Variants in ASXL2 observed in about 807,000 individuals in gnomAD.
The protein encoded by ASXL2 is putative Polycomb group protein ASXL2.
A neutral mutation model predicts 122.0 loss-of-function variants in ASXL2; 23 were observed. That is an observed-to-expected ratio of 0.19 (90% CI 0.14 to 0.27). ASXL2 has a LOEUF of 0.27. Among genes scored for constraint, ASXL2 ranks in the 10% least tolerant of loss-of-function variants. ASXL2 has a pLI of 1.00. For synonymous variants in ASXL2, 650 were observed against 637.0 expected (o/e 1.02, Z -0.31); for missense variants, 1,518 against 1,713.8 (o/e 0.89, Z 2.02).
chr2:25,841,615 G>A (rs1321936582), intron 2 of ASXL2, among the ~76,000 whole-genome samples: 3 of 152,108 alleles, frequency 2.0e-5, no homozygotes, highest in Non-Finnish European at 4.4e-5. Context: ...GGGAGGCCGA[G>A]GAGGGCAGAT....
intron 3 of ASXL2, among the ~76,000 whole-genome samples, chr2:25,826,609 C>T (rs564624620): frequency 2.9e-4 from 44 of 152,002 alleles, no homozygotes; most frequent in Non-Finnish European, 5.6e-4. Context: ...TTTCCGTACT[C>T]CTTCCTATAA....
Position 25,786,326 on chromosome 2 carries a change from C to T in ASXL2, c.403+13059G>A, listed in dbSNP as rs559110836. ...TGCAATTTTGGCTCACTGGAACCTC[C>T]GCCTCCCAGGTTCAAGTGATTCTCC... On this transcript the variant is annotated intron_variant, in intron 5 of 12. Transcript: ENST00000435504. Among the ~76,000 whole-genome samples, 25 of 144,616 alleles carry T rather than the reference C, an allele frequency of 1.7e-4. No individual in the cohort carries two copies. In the South Asian group the frequency reaches 3.9e-3, roughly 23 times the overall value. The allele number at this position is 144,616 out of a possible 152,430, so 94.9% of individuals were successfully genotyped here.
In ASXL2 at chr2:25,792,754, C is replaced by T. The variant is rs185352945; in HGVS notation, c.403+6631G>A. ...CCGAGTAGCTGGGATTACAGGTGTG[C>T]GCCACCACACCCAGCTAATTTTTGT... is the stretch of plus-strand genomic sequence containing the variant. On this transcript the variant is annotated intron_variant, in intron 5 of 12. Transcript: ENST00000435504. 9.8e-4 allele frequency among the ~76,000 whole-genome samples: 149 copies of T among 151,284 alleles called. 1 individual carries two copies. Among genetic ancestry groups the T allele is most frequent in the African/African-American group, 3.4e-3 (141 of 41,260 alleles).
At chr2:25,842,114 AAAAAAAAAG>A (rs930375117) in intron 2 of ASXL2, among the ~76,000 whole-genome samples, 1 of 150,844 alleles carries the variant, frequency 6.6e-6, no homozygotes, top group African/African-American at 2.4e-5. Context: ...CTCTGTCTCA[AAAAAAAAAG>A]AAAAAAAAAA....
rs1466420071 is a variant in ASXL2 at position 25,806,313 on chromosome 2, C to G, written c.168G>C (p.Leu56=). ...TGGAGTTTGTGTGAAGCATTGCATT[C>G]AGGCATGCAAGAGGAGAAGTCCCAC... is the stretch of plus-strand genomic sequence containing the variant. ...IRSGTSPLAC[L]NAMLHTNSRG... is the part of the protein sequence containing the mutation. Residue 56 remains leucine, a synonymous_variant, in exon 4 of 13, where the codon CTG becomes CTC. Transcript: ENST00000435504. 1.2e-6 allele frequency: 2 copies of G among 1,612,444 alleles called. No homozygotes were observed. Among genetic ancestry groups the G allele is most frequent in the South Asian group, 1.1e-5 (1 of 90,668 alleles).
At chr2:25,800,831 C>A (rs962262980) in intron 4 of ASXL2, among the ~76,000 whole-genome samples, 6 of 152,168 alleles carry the variant, frequency 3.9e-5, no homozygotes, top group Non-Finnish European at 5.9e-5. Flanking sequence ...CTTAGAATCA[C>A]GCCCAACATA....
chr2:25,747,508 A>T (rs1284633535), intron 12 of ASXL2, among the ~76,000 whole-genome samples: 1 of 152,180 alleles, frequency 6.6e-6, no homozygotes, highest in Non-Finnish European at 1.5e-5. Flanking sequence ...GGGAGAAGAA[A>T]GGAAAAGAAC....
At chr2:25,849,033 G>A (rs1323544948) in intron 1 of ASXL2, among the ~76,000 whole-genome samples, 5 of 54,346 alleles carry the variant, frequency 9.2e-5, no homozygotes, top group African/African-American at 3.4e-4. Flanking sequence ...TGACAAGAGC[G>A]AAACTCCGTC....
At chr2:25,788,377 T>C (rs1432298723) in intron 5 of ASXL2, among the ~76,000 whole-genome samples, 1 of 152,224 alleles carries the variant, frequency 6.6e-6, no homozygotes, top group Non-Finnish European at 1.5e-5. Flanking sequence ...TATCCTATCT[T>C]TGATGAACAT....
intron 9 of ASXL2, among the ~76,000 whole-genome samples, chr2:25,757,925 A>C (rs372049586): frequency 1.5e-5 from 1 of 68,918 alleles, no homozygotes; most frequent in Non-Finnish European, 3.3e-5. Flanking sequence ...CTTTAACAAA[A>C]AAAAAAAAAA....
intron 5 of ASXL2, among the ~76,000 whole-genome samples, chr2:25,781,671 T>A (rs907673806): frequency 1.5e-5 from 1 of 65,534 alleles, no homozygotes; most frequent in Non-Finnish European, 3.4e-5. Context: ...CACACCTGGC[T>A]TTTTTTTTTT....
intron 1 of ASXL2, among the ~76,000 whole-genome samples, chr2:25,874,400 G>A (rs2149205322): frequency 6.6e-6 from 1 of 152,242 alleles, no homozygotes; most frequent in East Asian, 1.9e-4. Flanking sequence ...GAGCTGGGAG[G>A]ATTGCTTGAG....
intron 4 of ASXL2, among the ~76,000 whole-genome samples, chr2:25,799,847 A>C (rs1056904531): frequency 6.6e-6 from 1 of 152,142 alleles, no homozygotes; most frequent in Non-Finnish European, 1.5e-5. Flanking sequence ...TTTAAAAACT[A>C]CATAATAATT....
chr2:25,817,667 A>G (rs1311757540), intron 3 of ASXL2, among the ~76,000 whole-genome samples: 2 of 152,194 alleles, frequency 1.3e-5, no homozygotes, highest in African/African-American at 4.8e-5. Flanking sequence ...TCTTTTTGAA[A>G]ATCACTTTGT....
intron 1 of ASXL2, among the ~76,000 whole-genome samples, chr2:25,846,203 G>T (rs536329205): frequency 6.6e-6 from 1 of 152,242 alleles, no homozygotes; most frequent in Non-Finnish European, 1.5e-5. Flanking sequence ...CATTTCTAAA[G>T]GTTGGATAGA....
intron 1 of ASXL2, among the ~76,000 whole-genome samples, chr2:25,870,185 G>A (rs957002085): frequency 3.3e-5 from 5 of 152,134 alleles, no homozygotes; most frequent in African/African-American, 1.2e-4. Flanking sequence ...CAGCCTGGGT[G>A]GGGAACATAG....
intron 5 of ASXL2, among the ~76,000 whole-genome samples, chr2:25,773,522 T>A (rs749528123): frequency 6.6e-6 from 1 of 151,382 alleles, no homozygotes; most frequent in Non-Finnish European, 1.5e-5. Context: ...AAAAATTAGC[T>A]GGGTGTGGTG....
At position 25,743,995 on chromosome 2, in the gene ASXL2, G is replaced by A. The variant is rs374826757; in HGVS notation, c.2342C>T (p.Pro781Leu). ...AQLQQTPPVP[P>L]TPAVSGACTS... Reference sequence around the variant, plus strand: ...GCATGCTCCACTGACGGCAGGTGTTGGAGGCACTGGGGGGGTTTGCTGTAG... The same window carrying A: ...GCATGCTCCACTGACGGCAGGTGTTAGAGGCACTGGGGGGGTTTGCTGTAG... The change falls in exon 13 of 13, where the codon CCA (proline) becomes CTA (leucine). Residue 781 changes from proline (P) to leucine (L), a missense_variant. Transcript: ENST00000435504. 1 of 1,613,898 alleles carries A rather than the reference G, an allele frequency of 6.2e-7. No individual in the cohort carries two copies. The highest frequency in any genetic ancestry group is 1.3e-5 in the African/African-American group (1 of 74,918).
intron 3 of ASXL2, among the ~76,000 whole-genome samples, chr2:25,824,216 T>C (rs1018212454): frequency 7.9e-5 from 12 of 151,842 alleles, no homozygotes; most frequent in Admixed American, 3.9e-4. Context: ...AAGAAAAAAA[T>C]ACAAATATAA....
Sources: gnomAD v4.1 joint callset for allele counts (sites outside exome capture counted in the v4.1 genomes callset) on GRCh38, gnomAD v4.1.1 for gene constraint, MANE v1.5 for transcripts, NCBI Gene and HGNC (gene_info 2026-07-23, HGNC 2026-07-21) for gene names.